Variants in FSCN3 observed in about 807,000 individuals in gnomAD.
The protein encoded by FSCN3 is fascin-3.
FSCN3 carries 43 observed loss-of-function variants against 53.5 expected under a neutral mutation model. The observed-to-expected ratio is 0.80, with a 90% CI of 0.63 to 1.04. The LOEUF (loss-of-function observed/expected upper bound fraction) is 1.04. FSCN3 is among the 50% of genes least tolerant of loss of function. The pLI, the probability that FSCN3 is intolerant of heterozygous loss-of-function variation, is 0.00. For missense variants in FSCN3, 594 were observed against 646.5 expected, an observed-to-expected ratio of 0.92 and a Z score of 0.88; for synonymous variants, 235 against 246.6, an observed-to-expected ratio of 0.95 and a Z score of 0.44.
Position 127,593,891 on chromosome 7 carries a change from C to T in FSCN3, c.38C>T (p.Ala13Val), listed in dbSNP as rs1290456331. The T allele has an allele frequency of 6.3e-7, 1 of 1,586,636 alleles. No individual in the cohort carries two copies. The highest frequency in any genetic ancestry group is 1.1e-5 in the South Asian group (1 of 86,992). ...GAGTGGATACACAGACATCCCAAGG[C>T]TGAGGACCTAAGGGTTGGGCTCATC... Reference protein sequence around the residue: ...ETEWIHRHPKAEDLRVGLISW... With the variant: ...ETEWIHRHPKVEDLRVGLISW... The change falls in exon 1 of 7, where the codon GCT becomes GTT. Residue 13 changes from alanine (A) to valine (V), a missense_variant. Transcript: ENST00000265825.
chr7:127,595,250 C>A (rs774950391), intron 1 of FSCN3, 57 bp from the exon 2 acceptor site: 1 of 1,498,098 alleles, frequency 6.7e-7, no homozygotes, highest in South Asian at 1.3e-5. Context: ...TGCAGGGCTC[C>A]TTGGTCTGGT....
intron 3 of FSCN3, chr7:127,596,659 TATATA>T: frequency 2.8e-6 from 1 of 356,186 alleles, no homozygotes; most frequent in East Asian, 4.4e-5. Context: ...GTTTGTAAAT[TATATA>T]ATACACATAT....
At chr7:127,601,150 A>G (rs1794468884) in intron 6 of FSCN3, among the ~76,000 whole-genome samples, 1 of 152,020 alleles carries the variant, frequency 6.6e-6, no homozygotes, top group Admixed American at 6.6e-5. Context: ...GCTCCTTCTT[A>G]ATTACCATTG....
At chr7:127,600,788 C>T (rs1031076038) in intron 6 of FSCN3, among the ~76,000 whole-genome samples, 1 of 152,154 alleles carries the variant, frequency 6.6e-6, no homozygotes, top group African/African-American at 2.4e-5. Flanking sequence ...GCTTTCTATC[C>T]TTTGCACCTT....
chr7:127,599,638 G>T (rs542402578), intron 5 of FSCN3, 87 bp downstream of exon 5: 4 of 1,291,314 alleles, frequency 3.1e-6, no homozygotes, highest in African/African-American at 2.9e-5. Flanking sequence ...GCCACTCAGG[G>T]CTTGCTCATT....
chr7:127,598,669 A>G, intron 4 of FSCN3, 75 bp downstream of exon 4: 1 of 1,323,962 alleles, frequency 7.6e-7, no homozygotes, highest in South Asian at 1.3e-5. Flanking sequence ...TATGATTGTT[A>G]AAAAGAGCAC....
In FSCN3 at chr7:127,593,829, A is replaced by G; in HGVS notation, c.-25A>G. On this transcript the variant is annotated 5_prime_UTR_variant, in exon 1 of 7. Transcript: ENST00000265825. The stretch of plus-strand genomic sequence containing the variant: ...CGGGGGGGAGGGCTGGGCCAGACGG[A>G]GACATCACCTGTGGTGTCAGCCCCA... 6.4e-7 allele frequency: 1 copy of G among 1,555,826 alleles called. No homozygotes were observed. The highest frequency in any genetic ancestry group is 8.7e-7 in the Non-Finnish European group (1 of 1,149,268).
intron 4 of FSCN3, 68 bp downstream of exon 4, chr7:127,598,662 G>T: frequency 7.2e-7 from 1 of 1,387,272 alleles, no homozygotes; most frequent in Non-Finnish European, 9.9e-7. Flanking sequence ...GGTGGAATAT[G>T]ATTGTTAAAA....
rs1469539416 is a variant in FSCN3 at position 127,595,201 on chromosome 7, TG to T, written c.145-105del. 3.3e-6 allele frequency: 3 copies of T among 901,112 alleles called. No individual in the cohort carries two copies. The Admixed American group carries it at 7.7e-5, about 23-fold the overall frequency. 55.8% of individuals were successfully genotyped at this position (901,112 alleles called of 1,614,324 possible). ...CTGATGTGGAAGAGGAGGTGGCTGG[TG>T]CTGATGAAGGTGCCAGGGTGATACC... is the stretch of plus-strand genomic sequence containing the variant. On this transcript the variant is annotated intron_variant, in intron 1 of 6. Transcript: ENST00000265825.
In FSCN3 at chr7:127,595,485, A is replaced by G. The variant is rs747486205; in HGVS notation, c.323A>G (p.Gln108Arg). The G allele has an allele frequency of 2.5e-6, 4 of 1,614,160 alleles. No individual in the cohort carries two copies. Among genetic ancestry groups the G allele is most frequent in the South Asian group, 2.2e-5 (2 of 91,076 alleles). ...RFHRNSKWTL[Q>R]CLISGRYLES... The stretch of plus-strand genomic sequence containing the variant: ...CACCGGAACAGCAAGTGGACCCTCC[A>G]GTGCCTAATCTCTGGTCGTTATTTG... Residue 108 changes from glutamine (Q) to arginine (R), a missense_variant, in exon 2 of 7, where the codon CAG becomes CGG. Coordinates refer to ENST00000265825, the MANE Select transcript of FSCN3 (RefSeq NM_020369.3).
chr7:127,594,193 T>TGTGTGTACTTGCCTGTATATGAAA (rs1794344058), intron 1 of FSCN3, among the ~76,000 whole-genome samples, 196 bp downstream of exon 1: 1 of 147,872 alleles, frequency 6.8e-6, no homozygotes, highest in African/African-American at 2.6e-5. Flanking sequence ...TGTGTGTGTG[T>TGTGTGTACTTGCCTGTATATGAAA]GTGTACTTGC....
intron 1 of FSCN3, 41 bp from the exon 2 acceptor site, chr7:127,595,266 C>T (rs368213335): frequency 1.5e-4 from 231 of 1,555,308 alleles, no homozygotes; most frequent in Non-Finnish European, 1.9e-4. Flanking sequence ...CTGGTAACTT[C>T]GTGATACTGA....
At chr7:127,594,121 T>A in intron 1 of FSCN3, 124 bp downstream of exon 1, 1 of 1,222,614 alleles carries the variant, frequency 8.2e-7, no homozygotes, top group Non-Finnish European at 1.1e-6. Context: ...CTTGCCTGTA[T>A]ATGAAAGTAT....
At position 127,596,366 on chromosome 7, in the gene FSCN3, A is replaced by T; in HGVS notation, c.880A>T (p.Met294Leu). 1.2e-6 allele frequency: 2 copies of T among 1,613,254 alleles called. No individual in the cohort carries two copies. The highest frequency in any genetic ancestry group is 3.3e-4 in the Middle Eastern group (2 of 6,054). ...VRAASERLNR[M>L]SLFQFECDSE... Reference sequence around the variant, plus strand: ...TGCTGCTTCTGAGCGCTTAAACCGAATGTCCTTGTTCCAGTTTGAATGTGA... The same window carrying T: ...TGCTGCTTCTGAGCGCTTAAACCGATTGTCCTTGTTCCAGTTTGAATGTGA... Residue 294 changes from methionine to leucine, a missense_variant, in exon 3 of 7, where the codon ATG (methionine) becomes TTG (leucine). Physicochemically the swap from Met to Leu is conservative, Grantham distance 15 (BLOSUM62 2). Coordinates refer to ENST00000265825, the MANE Select transcript of FSCN3 (RefSeq NM_020369.3).
chr7:127,596,259 C>G, intron 2 of FSCN3, 69 bp from the exon 3 acceptor site: 1 of 1,538,278 alleles, frequency 6.5e-7, no homozygotes, highest in Non-Finnish European at 8.9e-7. Context: ...ACAGAAGCCC[C>G]GGTCATAAAA....
rs551035416 is a variant in FSCN3 at position 127,601,678 on chromosome 7, A to G, written c.*56A>G. ...ATCCTCCAGGAAAAACTACTACACT[A>G]AATGGACCAGGAACCTCAGAGTCAA... On this transcript the variant is annotated 3_prime_UTR_variant, in exon 7 of 7. Transcript: ENST00000265825. 1.0e-4 allele frequency: 16 copies of G among 152,390 alleles called. No homozygotes were observed. The highest frequency in any genetic ancestry group is 3.8e-4 in the African/African-American group (16 of 41,588). The allele number at this position is 152,390 out of a possible 1,614,324, so 9.4% of individuals were successfully genotyped here.
intron 4 of FSCN3, 52 bp downstream of exon 4, chr7:127,598,646 G>GA: frequency 1.4e-6 from 2 of 1,452,768 alleles, no homozygotes; most frequent in Admixed American, 1.9e-5. Flanking sequence ...GAGAACTTTA[G>GA]AGGGAGGTGG....
intron 6 of FSCN3, 82 bp from the exon 7 acceptor site, chr7:127,601,541 C>G (rs1186403685): frequency 6.6e-6 from 1 of 152,210 alleles, no homozygotes; most frequent in African/African-American, 2.4e-5. Context: ...CCCACAGGAT[C>G]TGACCCAGTA....
chr7:127,593,750 C>T lies in FSCN3; in HGVS notation c.-104C>T, dbSNP rs75492037. On this transcript the variant is annotated 5_prime_UTR_variant, in exon 1 of 7. Transcript: ENST00000265825. ...CCTGGGAAGTTCTCTCTGGGAACAT[C>T]TGGTGGGTACTACAGGCCCTATTCC... The T allele has an allele frequency of 4.4e-3, 5,692 of 1,291,108 alleles. 202 individuals carry two copies. The African/African-American group carries it at 0.076, about 17-fold the overall frequency. 80.0% of individuals were successfully genotyped at this position (1,291,108 alleles called of 1,614,324 possible).
Sources: gnomAD v4.1 joint callset for allele counts (sites outside exome capture counted in the v4.1 genomes callset) on GRCh38, gnomAD v4.1.1 for gene constraint, MANE v1.5 for transcripts, NCBI Gene and HGNC (gene_info 2026-07-23, HGNC 2026-07-21) for gene names.